The following EPN1 variants were observed in gnomAD, a reference collection of about 807,000 sequenced individuals.
EPN1 encodes epsin-1.
EPN1 carries 25 observed loss-of-function variants against 56.9 expected under a neutral mutation model. The ratio of observed to expected loss-of-function variants is 0.44; its 90% CI spans 0.32 to 0.61. The LOEUF (loss-of-function observed/expected upper bound fraction) is 0.61. Ranked by LOEUF, EPN1 falls within the 20% of genes least tolerant of loss-of-function variation. The probability of loss-of-function intolerance (pLI) is 0.05; values close to 1 mark genes in which losing one functional copy is unlikely to be tolerated. For synonymous variants in EPN1, 411 were observed against 361.8 expected (o/e 1.14, Z -1.54); for missense variants, 785 against 823.7 (o/e 0.95, Z 0.58).
Position 55,707,342 on chromosome 19 carries a change from AAAAC to A in EPN1, c.*11990_*11993del, listed in dbSNP as rs1236392490. 8 of 152,242 alleles carry A rather than the reference AAAAC, an allele frequency of 5.3e-5. No homozygotes were observed. Among genetic ancestry groups the A allele is most frequent in the Non-Finnish European group, 1.0e-4 (7 of 68,060 alleles). The allele number at this position is 152,242 out of a possible 1,614,324, so 9.4% of individuals were successfully genotyped here. A position where few individuals can be genotyped will look rare whatever the true frequency, so the allele number is the denominator to read the frequency against. On this transcript the variant is annotated 3_prime_UTR_variant, in exon 11 of 11. Transcript: ENST00000270460. ...GAGCCAAAAAGCAGACCCTGACTCT[AAAAC>A]AAAAGAAAGAACAAATAACAAATGA...
In EPN1 at chr19:55,692,735, C is replaced by G; in HGVS notation, c.1116C>G (p.Ala372=). 6.4e-7 allele frequency: 1 copy of G among 1,574,486 alleles called. No homozygotes were observed. The highest frequency in any genetic ancestry group is 8.6e-7 in the Non-Finnish European group (1 of 1,160,506). ...GPSASDPWTP[A]PAFSDPWGGS... is the part of the protein sequence containing the mutation. ...CAGCCTCCGATCCCTGGACACCGGC[C>G]CCGGCCTTCTCAGATCCCTGGGGAG... Residue 372 remains alanine, a synonymous_variant, in exon 8 of 11, where the codon GCC becomes GCG. Coordinates refer to ENST00000270460, the MANE Select transcript of EPN1 (RefSeq NM_001130072.2).
chr19:55,688,865 T>A lies in EPN1; in HGVS notation c.479-5T>A. The A allele has an allele frequency of 1.3e-6, 2 of 1,574,940 alleles. No individual in the cohort carries two copies. Among genetic ancestry groups the A allele is most frequent in the Non-Finnish European group, 1.7e-6 (2 of 1,160,550 alleles). Reference sequence around the variant, plus strand: ...GGTCTCACGCGTTTCTCACCCGCCCTCCAGCCTCATCAGCAGCTGTGGGCT... The same window carrying A: ...GGTCTCACGCGTTTCTCACCCGCCCACCAGCCTCATCAGCAGCTGTGGGCT... On this transcript the variant is annotated splice_polypyrimidine_tract_variant and splice_region_variant and intron_variant, in intron 3 of 10. Coordinates refer to ENST00000270460, the MANE Select transcript of EPN1 (RefSeq NM_001130072.2).
intron 2 of EPN1, among the ~76,000 whole-genome samples, chr19:55,684,548 G>A (rs1235436763): frequency 6.6e-6 from 1 of 152,150 alleles, no homozygotes; most frequent in African/African-American, 2.4e-5. Context: ...CAGATTGAAC[G>A]ATAATGTTCC....
In EPN1 at chr19:55,709,077, T is replaced by TG. The variant is rs1987584849; in HGVS notation, c.*13721_*13722insG. On this transcript the variant is annotated 3_prime_UTR_variant, in exon 11 of 11. Coordinates refer to ENST00000270460, the MANE Select transcript of EPN1 (RefSeq NM_001130072.2). ...AATAGAAATAAAGTTTTTTTTTTTG[T>TG]TTTTCATTTTTACACAGTATTGCCT... is the stretch of plus-strand genomic sequence containing the variant. 6.6e-7 allele frequency: 1 copy of TG among 1,508,432 alleles called. No individual in the cohort carries two copies. The highest frequency in any genetic ancestry group is 1.4e-5 in the African/African-American group (1 of 69,578). 93.4% of individuals were successfully genotyped at this position (1,508,432 alleles called of 1,614,324 possible).
Position 55,694,516 on chromosome 19 carries a change from C to T in EPN1, c.1265-210C>T. The T allele has an allele frequency of 2.0e-6, 1 of 491,132 alleles. No homozygotes were observed. Among genetic ancestry groups the T allele is most frequent in the Non-Finnish European group, 3.4e-6 (1 of 290,606 alleles). The allele number at this position is 491,132 out of a possible 1,614,324, so 30.4% of individuals were successfully genotyped here. On this transcript the variant is annotated intron_variant, in intron 9 of 10. Transcript: ENST00000270460. The surrounding 1 kb of genome is among the most constrained non-coding windows in gnomAD (Gnocchi z 4.2). ...CTGTCATCCCTCTTGTGTTTGCTCA[C>T]TGGAATCAGACCCACCTTATGGGAA...
intron 1 of EPN1, chr19:55,677,543 C>T: frequency 6.7e-7 from 1 of 1,482,314 alleles, no homozygotes; most frequent in Non-Finnish European, 9.2e-7. Flanking sequence ...AATTATTTAA[C>T]TTCCAGGAGC....
At position 55,701,723 on chromosome 19, in the gene EPN1, G is replaced by C. The variant is rs1987149854; in HGVS notation, c.*6367G>C. On this transcript the variant is annotated 3_prime_UTR_variant, in exon 11 of 11. Transcript: ENST00000270460. ...TTGGTCTCACAGCCGAGGAAATCAA[G>C]GATGTGGATGCACACAGAGTGAGAT... The C allele has an allele frequency of 1.3e-5, 2 of 152,138 alleles. No homozygotes were observed. Among genetic ancestry groups the C allele is most frequent in the Non-Finnish European group, 1.5e-5 (1 of 68,056 alleles). 9.4% of individuals were successfully genotyped at this position (152,138 alleles called of 1,614,324 possible).
Position 55,689,302 on chromosome 19 carries a change from G to A in EPN1, c.609G>A (p.Pro203=), listed in dbSNP as rs373238256. 2.5e-3 allele frequency: 3,936 copies of A among 1,549,740 alleles called. 13 individuals carry two copies. Among genetic ancestry groups the A allele is most frequent in the Non-Finnish European group, 3.1e-3 (3,597 of 1,146,212 alleles). Residue 203 remains proline, a synonymous_variant, in exon 5 of 11, where the codon CCG becomes CCA. Transcript: ENST00000270460. The surrounding 1 kb of genome is among the most constrained non-coding windows in gnomAD (Gnocchi z 5.7). ...AMSKEEADQP[P]SCGPEDDAQL... is the part of the protein sequence containing the mutation. ...TCACACTCTCTCTCCCCCAGCCCCC[G>A]TCCTGCGGCCCCGAGGACGACGCCC...
chr19:55,685,054 C>T (rs1986072366), intron 2 of EPN1, among the ~76,000 whole-genome samples: 1 of 152,230 alleles, frequency 6.6e-6, no homozygotes, highest in South Asian at 2.1e-4. Context: ...CTCTCCATCC[C>T]TCCCTCCACC....
Position 55,692,777 on chromosome 19 carries a change from C to T in EPN1, c.1158C>T (p.Pro386=). 1 of 1,596,046 alleles carries T rather than the reference C, an allele frequency of 6.3e-7. No individual in the cohort carries two copies. Among genetic ancestry groups the T allele is most frequent in the South Asian group, 1.1e-5 (1 of 88,932 alleles). The change falls in exon 8 of 11, where the codon CCC becomes CCT. Residue 386 remains proline, a synonymous_variant. Coordinates refer to ENST00000270460, the MANE Select transcript of EPN1 (RefSeq NM_001130072.2). ...SDPWGGSPAK[P]STNGTTAAGG... ...CCTGGGGAGGGTCACCTGCCAAGCC[C>T]AGCACCAATGGCACAACAGGTACTG... is the stretch of plus-strand genomic sequence containing the variant.
At chr19:55,683,826 C>T (rs944398038) in intron 2 of EPN1, among the ~76,000 whole-genome samples, 39 of 152,312 alleles carry the variant, frequency 2.6e-4, no homozygotes, top group African/African-American at 8.9e-4. Flanking sequence ...ATGATCCGTT[C>T]GGCACAAAGT....
chr19:55,678,740 C>A lies in EPN1; in HGVS notation c.113C>A (p.Ser38Tyr). ...TSNDPWGPSS[S>Y]LMSEIADLTY... ...AATGACCCCTGGGGCCCATCCAGCT[C>A]CCTCATGTCAGAGATTGCCGACCTC... Residue 38 changes from serine to tyrosine, a missense_variant, in exon 2 of 11, where the codon TCC (serine) becomes TAC (tyrosine). Ser to Tyr is a moderately radical substitution (Grantham distance 144). This residue lies in a region of EPN1 where 135 missense variants were observed against 218.7 expected (regional missense o/e 0.62). Transcript: ENST00000270460. 2 of 1,614,154 alleles carry A rather than the reference C, an allele frequency of 1.2e-6. No homozygotes were observed. The highest frequency in any genetic ancestry group is 1.7e-6 in the Non-Finnish European group (2 of 1,180,022).
chr19:55,706,174 C>A lies in EPN1; in HGVS notation c.*10818C>A. The A allele has an allele frequency of 6.0e-6, 1 of 167,434 alleles. No homozygotes were observed. The allele number at this position is 167,434 out of a possible 1,614,324, so 10.4% of individuals were successfully genotyped here. A position where few individuals can be genotyped will look rare whatever the true frequency, so the allele number is the denominator to read the frequency against. On this transcript the variant is annotated 3_prime_UTR_variant, in exon 11 of 11. Coordinates refer to ENST00000270460, the MANE Select transcript of EPN1 (RefSeq NM_001130072.2). ...CTCCTCCTCCTCTCTTTTCTTCTTC[C>A]TCTTCCTCCTTTTTCTCCTCCTTTC... is the stretch of plus-strand genomic sequence containing the variant.
At chr19:55,687,817 T>C (rs985377618) in intron 3 of EPN1, among the ~76,000 whole-genome samples, 1 of 152,124 alleles carries the variant, frequency 6.6e-6, no homozygotes, top group Non-Finnish European at 1.5e-5. Context: ...GAGCATCCCA[T>C]GCACCCAGCC....
At position 55,694,453 on chromosome 19, in the gene EPN1, G is replaced by C. The variant is rs368159206; in HGVS notation, c.1265-273G>C. The C allele has an allele frequency of 4.2e-5, 17 of 405,024 alleles. No individual in the cohort carries two copies. The highest frequency in any genetic ancestry group is 3.3e-4 in the African/African-American group (16 of 48,866). The allele number at this position is 405,024 out of a possible 1,614,324, so 25.1% of individuals were successfully genotyped here. A position where few individuals can be genotyped will look rare whatever the true frequency, so the allele number is the denominator to read the frequency against. On this transcript the variant is annotated intron_variant, in intron 9 of 10. Transcript: ENST00000270460. This position sits in a 1 kb window ranked among gnomAD's most constrained non-coding sequence, Gnocchi z 4.2. ...CCCTGGACGGCCCCACCCTGAAGCA[G>C]TTGCTGCCCTCTGGTTGTCAGAGGG...
At chr19:55,685,691 G>T in intron 3 of EPN1, 46 bp downstream of exon 3, 1 of 1,547,066 alleles carries the variant, frequency 6.5e-7, no homozygotes, top group South Asian at 1.2e-5. Flanking sequence ...TCTGTCCTCC[G>T]CCTACTGCGG....
chr19:55,691,226 TGCGGGGTGACG>T lies in EPN1; in HGVS notation c.763-521_763-511del, dbSNP rs1986523981. ...GTGGGAAGGCCTGCAGCGCGATGAC[TGCGGGGTGACG>T]GCGGGGCAACGTAGGGGGCATCGTG... On this transcript the variant is annotated intron_variant, in intron 6 of 10. Coordinates refer to ENST00000270460, the MANE Select transcript of EPN1 (RefSeq NM_001130072.2). This position sits in a 1 kb window ranked among gnomAD's most constrained non-coding sequence, Gnocchi z 5.6. 6.6e-6 allele frequency among the ~76,000 whole-genome samples: 1 copy of T among 151,778 alleles called. No individual in the cohort carries two copies. Among genetic ancestry groups the T allele is most frequent in the Non-Finnish European group, 1.5e-5 (1 of 67,930 alleles).
In EPN1 at chr19:55,691,738, T is replaced by C; in HGVS notation, c.763-16T>C. The C allele has an allele frequency of 6.2e-7, 1 of 1,605,612 alleles. No homozygotes were observed. The highest frequency in any genetic ancestry group is 8.5e-7 in the Non-Finnish European group (1 of 1,175,688). On this transcript the variant is annotated splice_polypyrimidine_tract_variant and intron_variant, in intron 6 of 10. Coordinates refer to ENST00000270460, the MANE Select transcript of EPN1 (RefSeq NM_001130072.2). This position sits in a 1 kb window ranked among gnomAD's most constrained non-coding sequence, Gnocchi z 5.6. ...CACCACTTCTTCATGCTCCTTCTCT[T>C]CTCTCTCCCCCACAGTCGTCCCTCA... is the stretch of plus-strand genomic sequence containing the variant.
intron 1 of EPN1, chr19:55,677,853 C>T (rs1985545711): frequency 3.1e-6 from 4 of 1,293,638 alleles, no homozygotes; most frequent in East Asian, 2.8e-5. Context: ...TCTTTCCTGC[C>T]CTCCCTCTCC....
Sources: allele counts gnomAD v4.1 joint callset (sites outside exome capture counted in the v4.1 genomes callset), GRCh38; gene constraint gnomAD v4.1.1; regional missense constraint gnomAD v4.1.1; non-coding constraint Gnocchi (gnomAD v3.1); transcripts MANE v1.5; gene names NCBI Gene and HGNC (gene_info 2026-07-23, HGNC 2026-07-21).